The following PPP6R3 variants were observed in gnomAD, a reference collection of about 807,000 sequenced individuals.
PPP6R3 encodes the protein protein phosphatase 6 regulatory subunit 3, also known as serine/threonine-protein phosphatase 6 regulatory subunit 3.
Under a neutral mutation model 110.7 loss-of-function variants are expected in PPP6R3, and 38 were observed. The ratio of observed to expected loss-of-function variants is 0.34; its 90% confidence interval spans 0.26 to 0.45. PPP6R3 has a LOEUF of 0.45. PPP6R3 is among the 20% of genes least tolerant of loss of function. PPP6R3 has a pLI of 1.00. For missense variants in PPP6R3, 870 were observed against 1,062.4 expected, an observed-to-expected ratio of 0.82 and a Z score of 2.52; for synonymous variants, 369 against 373.5, an observed-to-expected ratio of 0.99 and a Z score of 0.14.
At chr11:68,480,851 T>C (rs1393043246) in intron 1 of PPP6R3, among the ~76,000 whole-genome samples, 2 of 152,202 alleles carry the variant, frequency 1.3e-5, no homozygotes, top group African/African-American at 4.8e-5. Context: ...GGAGTGTTCA[T>C]GTGTCAATTT....
intron 18 of PPP6R3, 88 bp downstream of exon 18, chr11:68,591,794 A>G (rs2099596125): frequency 7.1e-7 from 1 of 1,412,660 alleles, no homozygotes; most frequent in Non-Finnish European, 9.4e-7. Context: ...ATCACCAAAC[A>G]TACATGTTAA....
chr11:68,480,435 A>G (rs1322390057), intron 1 of PPP6R3, among the ~76,000 whole-genome samples: 1 of 152,254 alleles, frequency 6.6e-6, no homozygotes, highest in Non-Finnish European at 1.5e-5. Context: ...AAAGAACAGA[A>G]TGGATAATAT....
chr11:68,575,574 C>G (rs2099527654), intron 13 of PPP6R3, among the ~76,000 whole-genome samples: 1 of 152,172 alleles, frequency 6.6e-6, no homozygotes, highest in South Asian at 2.1e-4. Context: ...GATCCCCCTA[C>G]CCCCGACACG....
intron 2 of PPP6R3, among the ~76,000 whole-genome samples, chr11:68,526,339 A>T (rs1198042543): frequency 1.3e-5 from 2 of 151,984 alleles, no homozygotes; most frequent in African/African-American, 2.4e-5. Flanking sequence ...TCCCAGGCTC[A>T]AGTGATCCTC....
intron 1 of PPP6R3, among the ~76,000 whole-genome samples, chr11:68,503,699 G>A (rs887351331): frequency 6.6e-6 from 1 of 152,224 alleles, no homozygotes; most frequent in African/African-American, 2.4e-5. Flanking sequence ...TTTGAGCTGA[G>A]TGGTAGAGAG....
At chr11:68,586,673 T>TAAAAG (rs377171186) in intron 15 of PPP6R3, 2,000 of 152,302 alleles carry the variant, frequency 0.013, 52 homozygotes, top group African/African-American at 0.046. Flanking sequence ...GAGCTTTTCT[T>TAAAAG]CAGACCTAAG....
At chr11:68,587,877 G>A (rs117868456) in intron 15 of PPP6R3, 50 bp from the exon 16 acceptor site, 2 of 1,421,782 alleles carry the variant, frequency 1.4e-6, no homozygotes, top group Non-Finnish European at 2.0e-6. Flanking sequence ...ATAGTATGTA[G>A]AATATCATTA....
intron 10 of PPP6R3, among the ~76,000 whole-genome samples, chr11:68,568,231 G>A (rs970642227): frequency 6.6e-6 from 1 of 152,202 alleles, no homozygotes; most frequent in Admixed American, 6.5e-5. Context: ...TTCTGGGGAC[G>A]TAGTTTTTGT....
At chr11:68,487,986 T>C (rs1298096379) in intron 1 of PPP6R3, among the ~76,000 whole-genome samples, 1 of 152,252 alleles carries the variant, frequency 6.6e-6, no homozygotes, top group Admixed American at 6.5e-5. Flanking sequence ...TAATAGTAGA[T>C]TCATCTATTC....
At chr11:68,565,544 A>G (rs1468896490) in intron 9 of PPP6R3, among the ~76,000 whole-genome samples, 1 of 151,946 alleles carries the variant, frequency 6.6e-6, no homozygotes, top group African/African-American at 2.4e-5. Context: ...AGAAGAGGAG[A>G]GAACATCACA....
chr11:68,473,445 A>T (rs2153275260), intron 1 of PPP6R3, among the ~76,000 whole-genome samples: 1 of 152,304 alleles, frequency 6.6e-6, no homozygotes, highest in East Asian at 1.9e-4. Context: ...TATCCTTTGT[A>T]ATATTGTTTA....
intron 2 of PPP6R3, among the ~76,000 whole-genome samples, chr11:68,525,559 G>A (rs149342566): frequency 2.0e-4 from 30 of 152,302 alleles, no homozygotes; most frequent in African/African-American, 7.0e-4. Flanking sequence ...AAGCTGTTGA[G>A]ATAGCCCTGA....
intron 10 of PPP6R3, among the ~76,000 whole-genome samples, chr11:68,567,879 T>C (rs2099484883): frequency 6.6e-6 from 1 of 152,218 alleles, no homozygotes; most frequent in Admixed American, 6.5e-5. Flanking sequence ...GGCATTGTAA[T>C]GTTCATCTTA....
At chr11:68,571,209 C>T in intron 12 of PPP6R3, 105 bp downstream of exon 12, 1 of 1,363,204 alleles carries the variant, frequency 7.3e-7, no homozygotes, top group East Asian at 2.7e-5. Flanking sequence ...TTACATGATA[C>T]TGGCCATTTT....
intron 1 of PPP6R3, among the ~76,000 whole-genome samples, chr11:68,511,414 C>T (rs571142418): frequency 6.6e-6 from 1 of 151,140 alleles, no homozygotes; most frequent in South Asian, 2.1e-4. Context: ...AAATACTTTC[C>T]TTTCCTAAAC....
chr11:68,570,238 A>G (rs1050379765), intron 11 of PPP6R3, among the ~76,000 whole-genome samples: 1 of 152,240 alleles, frequency 6.6e-6, no homozygotes, highest in Non-Finnish European at 1.5e-5. Context: ...TTGGCTGACC[A>G]GAGTGTAGTT....
intron 1 of PPP6R3, among the ~76,000 whole-genome samples, chr11:68,491,526 T>C (rs1273937032): frequency 1.3e-5 from 2 of 152,030 alleles, no homozygotes; most frequent in Non-Finnish European, 2.9e-5. Context: ...TAAAAATTTA[T>C]TTTTTGTAGA....
intron 10 of PPP6R3, among the ~76,000 whole-genome samples, chr11:68,568,735 C>G (rs1010247352): frequency 6.6e-6 from 1 of 151,898 alleles, no homozygotes; most frequent in Non-Finnish European, 1.5e-5. Context: ...CAAAAACCAT[C>G]AGTAAATATT....
intron 1 of PPP6R3, among the ~76,000 whole-genome samples, chr11:68,490,709 T>G (rs2098978705): frequency 6.6e-6 from 1 of 152,160 alleles, no homozygotes; most frequent in Admixed American, 6.6e-5. Context: ...CTCAGATTCT[T>G]TCTTCAGCCG....
Sources: allele counts gnomAD v4.1 joint callset (sites outside exome capture counted in the v4.1 genomes callset), GRCh38; gene constraint gnomAD v4.1.1; transcripts MANE v1.5; gene names NCBI Gene and HGNC (gene_info 2026-07-23, HGNC 2026-07-21).